GDNF: variants seen among roughly 807,000 people sequenced by gnomAD.
The protein encoded by GDNF is glial cell line-derived neurotrophic factor.
GDNF carries 5 observed loss-of-function variants against 13.7 expected under a neutral mutation model. The observed-to-expected ratio is 0.36, with a 90% CI of 0.19 to 0.77. The LOEUF (loss-of-function observed/expected upper bound fraction) is 0.77. Among genes scored for constraint, GDNF ranks in the 30% least tolerant of loss-of-function variants. GDNF has a pLI of 0.51. For missense variants in GDNF, 246 were observed against 274.3 expected (o/e 0.90, Z 0.73); for synonymous variants, 122 against 112.5 (o/e 1.08, Z -0.53).
At chr5:37,833,160 AT>A (rs1048043834) in intron 2 of GDNF, among the ~76,000 whole-genome samples, 1 of 152,158 alleles carries the variant, frequency 6.6e-6, no homozygotes, top group Non-Finnish European at 1.5e-5. Flanking sequence ...AGGCACAGTC[AT>A]TTTTCTCTTG....
rs1481017004 is a variant in GDNF, at chr5:37,838,378, G to T, written c.-27+1129C>A. On this transcript the variant is annotated intron_variant, in intron 1 of 2. Coordinates refer to ENST00000326524, the MANE Select transcript of GDNF (RefSeq NM_000514.4). The surrounding 1 kb of genome is among the most constrained non-coding windows in gnomAD (Gnocchi z 4.1). ...TCGAGGCCGGCTTTGACGGCTTTGC[G>T]GGACTGGGTGCGTGAATGAGGTTGG... is the stretch of plus-strand genomic sequence containing the variant. Among the ~76,000 whole-genome samples the T allele has an allele frequency of 6.6e-6, 1 of 152,216 alleles. No individual in the cohort carries two copies. Among genetic ancestry groups the T allele is most frequent in the African/African-American group, 2.4e-5 (1 of 41,454 alleles).
rs537982621 is a variant in GDNF, at chr5:37,830,479, C to T, written c.151+4167G>A. 3.3e-5 allele frequency among the ~76,000 whole-genome samples: 5 copies of T among 152,342 alleles called. No homozygotes were observed. The East Asian group carries it at 9.6e-4, about 29-fold the overall frequency. On this transcript the variant is annotated intron_variant, in intron 2 of 2. Coordinates refer to ENST00000326524, the MANE Select transcript of GDNF (RefSeq NM_000514.4). ...CAGAATCCCAGGCAAGCCTGGACTG[C>T]CTACGTGCTGACCAACCAACAGTGG...
Position 37,822,280 on chromosome 5 carries a change from G to A in GDNF, c.152-6145C>T, listed in dbSNP as rs1304045747. On this transcript the variant is annotated intron_variant, in intron 2 of 2. Coordinates refer to ENST00000326524, the MANE Select transcript of GDNF (RefSeq NM_000514.4). ...AGATCTGCATGAGCCGGGCTTGGCTGATGCAGGGGCCCCAGAGAGAAGGCT... is the reference window on the plus strand; with the variant it reads ...AGATCTGCATGAGCCGGGCTTGGCTAATGCAGGGGCCCCAGAGAGAAGGCT... Among the ~76,000 whole-genome samples, 3 of 152,206 alleles carry A rather than the reference G, an allele frequency of 2.0e-5. No homozygotes were observed. The South Asian group carries it at 6.2e-4, about 31-fold the overall frequency.
At position 37,838,514 on chromosome 5, in the gene GDNF, C is replaced by G. The variant is rs1259243002; in HGVS notation, c.-27+993G>C. Among the ~76,000 whole-genome samples the G allele has an allele frequency of 1.3e-5, 2 of 152,206 alleles. No individual in the cohort carries two copies. Among genetic ancestry groups the G allele is most frequent in the Admixed American group, 6.5e-5 (1 of 15,280 alleles). On this transcript the variant is annotated intron_variant, in intron 1 of 2. Coordinates refer to ENST00000326524, the MANE Select transcript of GDNF (RefSeq NM_000514.4). The surrounding 1 kb of genome is among the most constrained non-coding windows in gnomAD (Gnocchi z 4.1). The stretch of plus-strand genomic sequence containing the variant: ...GGGCCGGAAGAGTTGCCTTTGTCCC[C>G]GCCTATGAGCAGAAGGGTCGCGAGC...
At position 37,813,741 on chromosome 5, in the gene GDNF, T is replaced by A. The variant is rs1364591925; in HGVS notation, c.*1910A>T. On this transcript the variant is annotated 3_prime_UTR_variant, in exon 3 of 3. Coordinates refer to ENST00000326524, the MANE Select transcript of GDNF (RefSeq NM_000514.4). The stretch of plus-strand genomic sequence containing the variant: ...TCATGCCTGCCTAATTTTTAAAGTT[T>A]CTGTAGAGACAGGGTCTCCCTATGT... 1 of 152,508 alleles carries A rather than the reference T, an allele frequency of 6.6e-6. No individual in the cohort carries two copies. Among genetic ancestry groups the A allele is most frequent in the Admixed American group, 6.6e-5 (1 of 15,258 alleles). The allele number at this position is 152,508 out of a possible 1,614,324, so 9.4% of individuals were successfully genotyped here.
At chr5:37,821,064 T>C (rs1356475455) in intron 2 of GDNF, among the ~76,000 whole-genome samples, 2 of 152,138 alleles carry the variant, frequency 1.3e-5, no homozygotes, top group Non-Finnish European at 2.9e-5. Context: ...ACTAAATGAG[T>C]TCATTCTTAG....
At position 37,834,886 on chromosome 5, in the gene GDNF, G is replaced by A. The variant is rs1449536594; in HGVS notation, c.-26-64C>T. 5 of 1,443,554 alleles carry A rather than the reference G, an allele frequency of 3.5e-6. No homozygotes were observed. In the African/African-American group the frequency reaches 5.6e-5, roughly 16 times the overall value. The allele number at this position is 1,443,554 out of a possible 1,614,324, so 89.4% of individuals were successfully genotyped here. A position where few individuals can be genotyped will look rare whatever the true frequency, so the allele number is the denominator to read the frequency against. On this transcript the variant is annotated intron_variant, in intron 1 of 2. Transcript: ENST00000326524. ...AATGCACGTTAAGCCTGGGCTCCCTGCGGGTCCCTGCGCCCCTCTCCAACC... is the reference window on the plus strand; with the variant it reads ...AATGCACGTTAAGCCTGGGCTCCCTACGGGTCCCTGCGCCCCTCTCCAACC...
chr5:37,837,817 C>T lies in GDNF; in HGVS notation c.-27+1690G>A, dbSNP rs1369323569. ...ACCTGCTTTCAGACCATCCCTCACC[C>T]CTTCCACGCGTCACCGTGACAGATT... On this transcript the variant is annotated intron_variant, in intron 1 of 2. Coordinates refer to ENST00000326524, the MANE Select transcript of GDNF (RefSeq NM_000514.4). This position sits in a 1 kb window ranked among gnomAD's most constrained non-coding sequence, Gnocchi z 6.5. 6.6e-6 allele frequency among the ~76,000 whole-genome samples: 1 copy of T among 152,084 alleles called. No homozygotes were observed. Among genetic ancestry groups the T allele is most frequent in the Non-Finnish European group, 1.5e-5 (1 of 68,024 alleles).
chr5:37,825,764 C>T (rs1054468043), intron 2 of GDNF, among the ~76,000 whole-genome samples: 1 of 152,162 alleles, frequency 6.6e-6, no homozygotes, highest in Non-Finnish European at 1.5e-5. Context: ...AGGGGACCCA[C>T]TGAGCAGTAG....
rs1459794592 is a variant in GDNF, at chr5:37,814,906, C to T, written c.*745G>A. ...AAGAATGCTGGCGAAAACCACAACT[C>T]GTTTCCTGTTTCCAAGGACATAAAG... is the stretch of plus-strand genomic sequence containing the variant. On this transcript the variant is annotated 3_prime_UTR_variant, in exon 3 of 3. Coordinates refer to ENST00000326524, the MANE Select transcript of GDNF (RefSeq NM_000514.4). 3 of 152,340 alleles carry T rather than the reference C, an allele frequency of 2.0e-5. No individual in the cohort carries two copies. The highest frequency in any genetic ancestry group is 7.2e-5 in the African/African-American group (3 of 41,452). The allele number at this position is 152,340 out of a possible 1,614,324, so 9.4% of individuals were successfully genotyped here.
chr5:37,823,561 C>T (rs972693014), intron 2 of GDNF, among the ~76,000 whole-genome samples: 16 of 152,172 alleles, frequency 1.1e-4, no homozygotes, highest in Admixed American at 8.5e-4. Flanking sequence ...ACAGCTCTGG[C>T]GATTTCCCAG....
chr5:37,828,794 G>A (rs886561305), intron 2 of GDNF, among the ~76,000 whole-genome samples: 2 of 152,208 alleles, frequency 1.3e-5, no homozygotes, highest in African/African-American at 4.8e-5. Context: ...ATAGTTAAAA[G>A]GTGCTAGGTC....
chr5:37,825,648 G>A (rs1184754448), intron 2 of GDNF, among the ~76,000 whole-genome samples: 2 of 152,172 alleles, frequency 1.3e-5, no homozygotes, highest in Non-Finnish European at 2.9e-5. Flanking sequence ...GGTGGTTGTG[G>A]GGGTGGTGGA....
At chr5:37,826,338 T>A (rs1025856344) in intron 2 of GDNF, among the ~76,000 whole-genome samples, 2 of 152,158 alleles carry the variant, frequency 1.3e-5, no homozygotes, top group Admixed American at 6.5e-5. Context: ...CAGCAATATT[T>A]GCACAGAAGG....
At chr5:37,832,784 A>G (rs551134780) in intron 2 of GDNF, among the ~76,000 whole-genome samples, 106 of 152,346 alleles carry the variant, frequency 7.0e-4, no homozygotes, top group Admixed American at 4.1e-3. Context: ...CATCTGGGGA[A>G]CACCTAAAAA....
intron 2 of GDNF, among the ~76,000 whole-genome samples, chr5:37,830,038 T>C (rs1435704436): frequency 6.6e-6 from 1 of 152,234 alleles, no homozygotes; most frequent in Non-Finnish European, 1.5e-5. Flanking sequence ...AGATAGATGG[T>C]GTTTGTTCAT....
intron 2 of GDNF, among the ~76,000 whole-genome samples, chr5:37,820,509 A>C (rs190841721): frequency 7.4e-4 from 112 of 152,362 alleles, no homozygotes; most frequent in African/African-American, 2.6e-3. Context: ...TAGTGAATAC[A>C]CGTCATAGCA....
At chr5:37,817,672 G>A (rs1454613407) in intron 2 of GDNF, among the ~76,000 whole-genome samples, 1 of 151,890 alleles carries the variant, frequency 6.6e-6, no homozygotes, top group African/African-American at 2.4e-5. Flanking sequence ...AAAGACTGGT[G>A]ATTGGAATCC....
chr5:37,826,371 C>A lies in GDNF; in HGVS notation c.151+8275G>T, dbSNP rs151308339. Among the ~76,000 whole-genome samples the A allele has an allele frequency of 1.6e-3, 241 of 152,318 alleles. 1 individual carries two copies. Among genetic ancestry groups the A allele is most frequent in the African/African-American group, 5.6e-3 (232 of 41,566 alleles). ...AGGCAGCAGTGTAAAGCCAACTCTA[C>A]AGTCTCTAGACAAAGCAAGATTGCC... is the stretch of plus-strand genomic sequence containing the variant. On this transcript the variant is annotated intron_variant, in intron 2 of 2. Transcript: ENST00000326524.
Sources: allele counts gnomAD v4.1 joint callset (sites outside exome capture counted in the v4.1 genomes callset), GRCh38; gene constraint gnomAD v4.1.1; non-coding constraint Gnocchi (gnomAD v3.1); transcripts MANE v1.5; gene names NCBI Gene and HGNC (gene_info 2026-07-23, HGNC 2026-07-21).